KDM2B: variants seen among roughly 807,000 people sequenced by gnomAD.
KDM2B encodes lysine demethylase 2B, also known as lysine-specific demethylase 2B.
In KDM2B, 26 loss-of-function variants were observed where a neutral mutation model predicts 150.0. The ratio of observed to expected loss-of-function variants is 0.17; its 90% CI spans 0.13 to 0.24. KDM2B has a LOEUF of 0.24. Ranked by LOEUF, KDM2B falls within the 10% of genes least tolerant of loss-of-function variation. KDM2B has a pLI of 1.00. For synonymous variants in KDM2B, 734 were observed against 729.5 expected (o/e 1.01, Z -0.10); for missense variants, 1,265 against 1,816.9 (o/e 0.70, Z 5.52).
chr12:121,426,306 T>C (rs960496840), downstream of KDM2B, among the ~76,000 whole-genome samples: 5 of 152,214 alleles, frequency 3.3e-5, no homozygotes, highest in East Asian at 9.6e-4. Flanking sequence ...CCTGGTTTAT[T>C]AGCCAGATAA....
Position 121,468,542 on chromosome 12 carries a change from G to A in KDM2B, c.1735-15198C>T, listed in dbSNP as rs1880377375. 1 of 152,242 alleles carries A rather than the reference G, an allele frequency of 6.6e-6. No homozygotes were observed. Among genetic ancestry groups the A allele is most frequent in the Admixed American group, 6.5e-5 (1 of 15,284 alleles). The allele number at this position is 152,242 out of a possible 1,614,324, so 9.4% of individuals were successfully genotyped here. A position where few individuals can be genotyped will look rare whatever the true frequency, so the allele number is the denominator to read the frequency against. On this transcript the variant is annotated intron_variant, in intron 12 of 22. Coordinates refer to ENST00000377071, the MANE Select transcript of KDM2B (RefSeq NM_032590.5). This position sits in a 1 kb window ranked among gnomAD's most constrained non-coding sequence, Gnocchi z 4.0. ...ATACAAGGGGAAGGATTTACCAAGGGATGGATAACCTTCTGTAAAAAGATC... is the reference window on the plus strand; with the variant it reads ...ATACAAGGGGAAGGATTTACCAAGGAATGGATAACCTTCTGTAAAAAGATC...
intron 12 of KDM2B, among the ~76,000 whole-genome samples, chr12:121,462,782 G>A (rs1555293973): frequency 1.3e-5 from 2 of 151,770 alleles, no homozygotes; most frequent in South Asian, 4.2e-4. Context: ...GTGAGCCACC[G>A]CGCCCGGCTG....
chr12:121,488,456 G>T (rs1407114387), intron 12 of KDM2B, among the ~76,000 whole-genome samples: 1 of 152,160 alleles, frequency 6.6e-6, no homozygotes, highest in Non-Finnish European at 1.5e-5. Flanking sequence ...GGCGCTGTTA[G>T]CACCTTTCAC....
At position 121,452,748 on chromosome 12, in the gene KDM2B, C is replaced by T. The variant is rs1418443339; in HGVS notation, c.1959+372G>A. ...AAATCACTCCTTGTTGGGGGCAGCC[C>T]CCTGAGATGGGGCGCTGACCTTCCA... On this transcript the variant is annotated intron_variant, in intron 13 of 22. Transcript: ENST00000377071. This position sits in a 1 kb window ranked among gnomAD's most constrained non-coding sequence, Gnocchi z 4.4. Among the ~76,000 whole-genome samples the T allele has an allele frequency of 6.6e-6, 1 of 152,066 alleles. No homozygotes were observed. The highest frequency in any genetic ancestry group is 1.5e-5 in the Non-Finnish European group (1 of 68,002).
rs1891925349 is a variant in KDM2B at position 121,580,852 on chromosome 12, T to C, written c.60A>G (p.Ala20=). 6.2e-7 allele frequency: 1 copy of C among 1,614,064 alleles called. No homozygotes were observed. Among genetic ancestry groups the C allele is most frequent in the Non-Finnish European group, 8.5e-7 (1 of 1,180,034 alleles). The change falls in exon 1 of 23, where the codon GCA becomes GCG. Residue 20 remains alanine (A), a synonymous_variant. Transcript: ENST00000377071. ...AEDHPPRKRH[A]AEKQKKKTVI... The stretch of plus-strand genomic sequence containing the variant: ...CTGTTTTCTTTTTTTGCTTTTCTGC[T>C]GCATGTCTTTTTCGTGGGGGGTGAT...
intron 4 of KDM2B, among the ~76,000 whole-genome samples, chr12:121,551,344 CTTTT>C (rs1176650753): frequency 6.1e-5 from 8 of 130,904 alleles, no homozygotes; most frequent in Admixed American, 7.8e-5. Context: ...AGATTCCATT[CTTTT>C]TTTTTTTTTT....
In KDM2B at chr12:121,580,338, G is replaced by C. The variant is rs368224964; in HGVS notation, c.126+448C>G. 7.7e-5 allele frequency: 89 copies of C among 1,159,226 alleles called. No homozygotes were observed. In the East Asian group the frequency reaches 2.2e-3, roughly 28 times the overall value. The allele number at this position is 1,159,226 out of a possible 1,614,324, so 71.8% of individuals were successfully genotyped here. A position where few individuals can be genotyped will look rare whatever the true frequency, so the allele number is the denominator to read the frequency against. Reference sequence around the variant, plus strand: ...TCGGAGCCCGCGGCCGGGCTATTTGGGGGGGCTCTCGGCCCGGGCTTGGGG... The same window carrying C: ...TCGGAGCCCGCGGCCGGGCTATTTGCGGGGGCTCTCGGCCCGGGCTTGGGG... On this transcript the variant is annotated intron_variant, in intron 1 of 22. Coordinates refer to ENST00000377071, the MANE Select transcript of KDM2B (RefSeq NM_032590.5).
At chr12:121,472,772 C>G (rs1880903844) in intron 12 of KDM2B, among the ~76,000 whole-genome samples, 1 of 152,144 alleles carries the variant, frequency 6.6e-6, no homozygotes, top group Admixed American at 6.6e-5. Context: ...CTATTCATTT[C>G]CCTATCAAAA....
chr12:121,575,650 G>C lies in KDM2B; in HGVS notation c.350+131C>G. 2.8e-6 allele frequency: 2 copies of C among 719,352 alleles called. No homozygotes were observed. Among genetic ancestry groups the C allele is most frequent in the East Asian group, 5.1e-5 (2 of 39,482 alleles). 44.6% of individuals were successfully genotyped at this position (719,352 alleles called of 1,614,324 possible). On this transcript the variant is annotated intron_variant, in intron 3 of 22. Coordinates refer to ENST00000377071, the MANE Select transcript of KDM2B (RefSeq NM_032590.5). This position sits in a 1 kb window ranked among gnomAD's most constrained non-coding sequence, Gnocchi z 4.4. Reference sequence around the variant, plus strand: ...GTCAGGCCTTGAACAAGGAGATGCTGTTCCCAGATCGTGAAAAAAGATCCT... The same window carrying C: ...GTCAGGCCTTGAACAAGGAGATGCTCTTCCCAGATCGTGAAAAAAGATCCT...
Position 121,441,140 on chromosome 12 carries a change from G to A in KDM2B, c.3378C>T (p.Pro1126=), listed in dbSNP as rs370226734. The change falls in exon 20 of 23, where the codon CCC becomes CCT. Residue 1126 remains proline (P), a synonymous_variant. Coordinates refer to ENST00000377071, the MANE Select transcript of KDM2B (RefSeq NM_032590.5). Reference sequence around the variant, plus strand: ...TGGTCCAGCTGAGGTCGAGGGAGACGGGCTGTCGCCGGATGATGCCACTCA... The same window carrying A: ...TGGTCCAGCTGAGGTCGAGGGAGACAGGCTGTCGCCGGATGATGCCACTCA... ...LMLSGIIRRQ[P]VSLDLSWTNI... is the part of the protein sequence containing the mutation. 6.9e-5 allele frequency: 111 copies of A among 1,614,202 alleles called. 1 individual carries two copies. The highest frequency in any genetic ancestry group is 5.0e-4 in the Middle Eastern group (3 of 6,060).
intron 9 of KDM2B, among the ~76,000 whole-genome samples, chr12:121,514,614 C>T (rs892412830): frequency 6.6e-6 from 1 of 151,662 alleles, no homozygotes; most frequent in African/African-American, 2.4e-5. Context: ...AGGGTGTCTG[C>T]GGGGACGAGA....
At chr12:121,550,046 A>G (rs1161096064) in intron 4 of KDM2B, among the ~76,000 whole-genome samples, 2 of 152,114 alleles carry the variant, frequency 1.3e-5, no homozygotes, top group Non-Finnish European at 2.9e-5. Flanking sequence ...ATGATGGCTC[A>G]TGCCTGTAAT....
intron 2 of KDM2B, among the ~76,000 whole-genome samples, chr12:121,577,598 C>A (rs1347357616): frequency 6.6e-6 from 1 of 152,192 alleles, no homozygotes; most frequent in Non-Finnish European, 1.5e-5. Context: ...AGAGCTAACC[C>A]CACAGCCACA....
At chr12:121,579,887 T>C (rs1891819818) in intron 1 of KDM2B, 8 of 1,463,430 alleles carry the variant, frequency 5.5e-6, no homozygotes, top group Non-Finnish European at 7.3e-6. Flanking sequence ...ATTATATTTT[T>C]TTCCCGGTCC....
intron 6 of KDM2B, among the ~76,000 whole-genome samples, chr12:121,540,197 C>T (rs557552561): frequency 1.3e-5 from 2 of 152,222 alleles, no homozygotes; most frequent in African/African-American, 2.4e-5. Context: ...CACAGGAATG[C>T]TGGCTTTCTT....
rs149019861 is a variant in KDM2B, at chr12:121,556,934, A to C, written c.398-7296T>G. Among the ~76,000 whole-genome samples the C allele has an allele frequency of 5.9e-5, 9 of 152,188 alleles. No homozygotes were observed. In the East Asian group the frequency reaches 1.4e-3, roughly 23 times the overall value. ...TAAGCCAGTAAATCAATAAAAATGT[A>C]ATTTTAAAAAGAAAAAAAGGTTGTA... On this transcript the variant is annotated intron_variant, in intron 4 of 22. Coordinates refer to ENST00000377071, the MANE Select transcript of KDM2B (RefSeq NM_032590.5).
At chr12:121,505,807 G>A (rs1885015080) in intron 11 of KDM2B, among the ~76,000 whole-genome samples, 1 of 152,122 alleles carries the variant, frequency 6.6e-6, no homozygotes, top group Admixed American at 6.5e-5. Flanking sequence ...TGGCAGTGGG[G>A]GAACTGGGCA....
chr12:121,575,269 C>G lies in KDM2B; in HGVS notation c.350+512G>C, dbSNP rs1891427228. 6.6e-6 allele frequency among the ~76,000 whole-genome samples: 1 copy of G among 152,230 alleles called. No individual in the cohort carries two copies. Among genetic ancestry groups the G allele is most frequent in the Non-Finnish European group, 1.5e-5 (1 of 68,050 alleles). ...CAGCCTGCCTCCCAGACCTCTCCCCCAACCTGGAGCTCTGACAGATCTCAG... is the reference window on the plus strand; with the variant it reads ...CAGCCTGCCTCCCAGACCTCTCCCCGAACCTGGAGCTCTGACAGATCTCAG... On this transcript the variant is annotated intron_variant, in intron 3 of 22. Transcript: ENST00000377071. The surrounding 1 kb of genome is among the most constrained non-coding windows in gnomAD (Gnocchi z 4.4).
intron 4 of KDM2B, among the ~76,000 whole-genome samples, chr12:121,568,059 T>C (rs1353443524): frequency 6.6e-6 from 1 of 151,842 alleles, no homozygotes; most frequent in Non-Finnish European, 1.5e-5. Flanking sequence ...GAAGCCCCCA[T>C]CTGTGGTACT....
Sources: gnomAD v4.1 joint callset for allele counts (sites outside exome capture counted in the v4.1 genomes callset) on GRCh38, gnomAD v4.1.1 for gene constraint, Gnocchi (gnomAD v3.1) non-coding constraint, MANE v1.5 for transcripts, NCBI Gene and HGNC (gene_info 2026-07-23, HGNC 2026-07-21) for gene names.